The following TBCD variants were observed in gnomAD, a reference collection of about 807,000 sequenced individuals.
The protein encoded by TBCD is tubulin-specific chaperone D.
Under a neutral mutation model 169.3 loss-of-function variants are expected in TBCD, and 105 were observed. The observed-to-expected ratio is 0.62, with a 90% CI of 0.53 to 0.73. TBCD has a LOEUF of 0.73. TBCD is among the 30% of genes least tolerant of loss of function. TBCD has a pLI of 0.00. For missense variants in TBCD, 1,444 were observed against 1,600.1 expected (o/e 0.90, Z 1.66); for synonymous variants, 700 against 643.9 (o/e 1.09, Z -1.32).
intron 13 of TBCD, chr17:82,830,288 G>C: frequency 1.9e-6 from 3 of 1,614,234 alleles, no homozygotes; most frequent in Non-Finnish European, 2.5e-6. Context: ...TGGGCCTCTT[G>C]GCTCTCCATG....
chr17:82,753,962 C>T (rs965022128), intron 1 of TBCD, among the ~76,000 whole-genome samples: 2 of 147,458 alleles, frequency 1.4e-5, no homozygotes, highest in East Asian at 2.1e-4. Context: ...CCACAACCTC[C>T]ACCTCCCAGG....
At chr17:82,872,673 A>G (rs1378690467) in intron 14 of TBCD, among the ~76,000 whole-genome samples, 1 of 89,130 alleles carries the variant, frequency 1.1e-5, no homozygotes, top group African/African-American at 3.4e-5. Context: ...TGTTGATAGG[A>G]ATAGTCACAG....
At chr17:82,814,785 T>A (rs1485660110) in intron 12 of TBCD, 55 bp from the exon 13 acceptor site, 1 of 1,584,526 alleles carries the variant, frequency 6.3e-7, no homozygotes, top group East Asian at 2.2e-5. Context: ...TGCTGTGGGC[T>A]TTGAACCAAA....
rs150143085 is a variant in TBCD at position 82,752,764 on chromosome 17, G to C, written c.184+387G>C. Among the ~76,000 whole-genome samples, 524 of 152,336 alleles carry C rather than the reference G, an allele frequency of 3.4e-3. 2 individuals are homozygous for C. Among genetic ancestry groups the C allele is most frequent in the Non-Finnish European group, 5.5e-3 (372 of 68,028 alleles). The stretch of plus-strand genomic sequence containing the variant: ...CCCCTCCGGACAGCTGGTCAGCCCT[G>C]CAGTGTGGACTCCCAGGCTTGCCTC... On this transcript the variant is annotated intron_variant, in intron 1 of 38. Transcript: ENST00000355528.
intron 37 of TBCD, among the ~76,000 whole-genome samples, chr17:82,939,750 T>C (rs1255884402): frequency 1.3e-5 from 2 of 152,250 alleles, no homozygotes; most frequent in Non-Finnish European, 2.9e-5. Context: ...ACCACAAGGC[T>C]GTGTCTGGTG....
At chr17:82,901,310 C>T (rs1419030213) in intron 18 of TBCD, among the ~76,000 whole-genome samples, 1 of 152,250 alleles carries the variant, frequency 6.6e-6, no homozygotes, top group African/African-American at 2.4e-5. Context: ...CAGTGCCGTG[C>T]TGTGGCACTC....
At chr17:82,791,966 A>G (rs565601118) in intron 7 of TBCD, among the ~76,000 whole-genome samples, 1 of 152,322 alleles carries the variant, frequency 6.6e-6, no homozygotes, top group African/African-American at 2.4e-5. Flanking sequence ...ACTGCAGGGA[A>G]CTGTAACACA....
At chr17:82,842,684 T>C (rs1204354162) in intron 13 of TBCD, among the ~76,000 whole-genome samples, 2 of 152,154 alleles carry the variant, frequency 1.3e-5, no homozygotes, top group Non-Finnish European at 2.9e-5. Flanking sequence ...TTTTATCTAC[T>C]CTTCAACCTC....
At chr17:82,797,475 T>C (rs2050183523) in intron 7 of TBCD, among the ~76,000 whole-genome samples, 1 of 152,198 alleles carries the variant, frequency 6.6e-6, no homozygotes, top group Non-Finnish European at 1.5e-5. Flanking sequence ...TGGGCACGTT[T>C]TGTGATGCCA....
At chr17:82,830,400 C>T (rs1489261022) in intron 13 of TBCD, 1 of 1,611,846 alleles carries the variant, frequency 6.2e-7, no homozygotes, top group Non-Finnish European at 8.5e-7. Flanking sequence ...CCAGCTGGCA[C>T]AGGGCCACGG....
At chr17:82,910,691 G>T (rs147051257) in intron 22 of TBCD, among the ~76,000 whole-genome samples, 1,656 of 152,002 alleles carry the variant, frequency 0.011, 31 homozygotes, top group African/African-American at 0.038. Flanking sequence ...TCAGCCTCCC[G>T]GGTAGCTGGG....
intron 14 of TBCD, among the ~76,000 whole-genome samples, chr17:82,882,782 G>T (rs1424099201): frequency 2.0e-5 from 3 of 152,180 alleles, no homozygotes; most frequent in African/African-American, 7.2e-5. Flanking sequence ...AGTGGGTCTG[G>T]GTCTGGGTCT....
intron 13 of TBCD, among the ~76,000 whole-genome samples, chr17:82,848,260 G>A (rs1376597916): frequency 3.3e-5 from 5 of 152,222 alleles, no homozygotes; most frequent in African/African-American, 4.8e-5. Flanking sequence ...GAGGGAGGGC[G>A]AGCGGCTTTT....
chr17:82,833,510 CT>C lies in TBCD; in HGVS notation c.1318+18578del, dbSNP rs1269910453. On this transcript the variant is annotated intron_variant, in intron 13 of 38. Transcript: ENST00000355528. The surrounding 1 kb of genome is among the most constrained non-coding windows in gnomAD (Gnocchi z 4.7). The stretch of plus-strand genomic sequence containing the variant: ...AATACAAATGCTATATTTATGTTGA[CT>C]TAAATGGTTGAAATACTGTTGGTGA... Among the ~76,000 whole-genome samples, 1 of 152,148 alleles carries C rather than the reference CT, an allele frequency of 6.6e-6. No homozygotes were observed.
intron 5 of TBCD, 113 bp from the exon 6 acceptor site, chr17:82,772,339 T>G (rs548772500): frequency 1.8e-6 from 2 of 1,093,996 alleles, no homozygotes; most frequent in East Asian, 4.7e-5. Flanking sequence ...CTGGTAAGGT[T>G]TGTGAACCTG....
chr17:82,860,469 A>G, intron 13 of TBCD: 1 of 983,674 alleles, frequency 1.0e-6, no homozygotes, highest in Non-Finnish European at 1.2e-6. Context: ...ATTAACAATG[A>G]CAGTGGCTCA....
rs1417041967 is a variant in TBCD, at chr17:82,915,548, A to G, written c.2038+3759A>G. ...TTAGAATCAAAGGAAAGAAACAGGA[A>G]CTCTGTTTAGTGAAGCAGCGATGAA... is the stretch of plus-strand genomic sequence containing the variant. On this transcript the variant is annotated intron_variant, in intron 23 of 38. Transcript: ENST00000355528. The surrounding 1 kb of genome is among the most constrained non-coding windows in gnomAD (Gnocchi z 4.3). 6.6e-6 allele frequency among the ~76,000 whole-genome samples: 1 copy of G among 151,910 alleles called. No homozygotes were observed. Among genetic ancestry groups the G allele is most frequent in the Non-Finnish European group, 1.5e-5 (1 of 67,972 alleles).
chr17:82,861,692 C>A (rs2056778407), intron 13 of TBCD, among the ~76,000 whole-genome samples: 1 of 152,170 alleles, frequency 6.6e-6, no homozygotes, highest in Admixed American at 6.5e-5. Flanking sequence ...TGCACCTCAC[C>A]AAGCTGTGCT....
intron 27 of TBCD, among the ~76,000 whole-genome samples, chr17:82,925,975 C>A (rs1599611630): frequency 1.1e-5 from 1 of 94,452 alleles, no homozygotes; most frequent in Non-Finnish European, 2.3e-5. Flanking sequence ...CGTGGAGAGG[C>A]TGGAGGTGAC....
Sources: gnomAD v4.1 joint callset for allele counts (sites outside exome capture counted in the v4.1 genomes callset) on GRCh38, gnomAD v4.1.1 for gene constraint, Gnocchi (gnomAD v3.1) non-coding constraint, MANE v1.5 for transcripts, NCBI Gene and HGNC (gene_info 2026-07-23, HGNC 2026-07-21) for gene names.